The following PTBP1 variants were observed in gnomAD, a reference collection of about 807,000 sequenced individuals.
The protein encoded by PTBP1 is polypyrimidine tract-binding protein 1.
A neutral mutation model predicts 59.8 loss-of-function variants in PTBP1; 8 were observed. The ratio of observed to expected loss-of-function variants is 0.13; its 90% CI spans 0.08 to 0.24. The LOEUF (loss-of-function observed/expected upper bound fraction) is 0.24, where lower values mean the gene tolerates loss of function less well. Ranked by LOEUF, PTBP1 falls within the 10% of genes least tolerant of loss-of-function variation. The probability of loss-of-function intolerance (pLI) is 1.00; values close to 1 mark genes in which losing one functional copy is unlikely to be tolerated. For missense variants in PTBP1, 686 were observed against 767.0 expected, an observed-to-expected ratio of 0.89 and a Z score of 1.25; for synonymous variants, 490 against 320.7, an observed-to-expected ratio of 1.53 and a Z score of -5.64.
At chr19:797,569 G>T in intron 1 of PTBP1, 64 bp downstream of exon 1, 1 of 1,232,156 alleles carries the variant, frequency 8.1e-7, no homozygotes, top group Non-Finnish European at 1.0e-6. Flanking sequence ...CCCCGCCGCC[G>T]CGCCGGCCTC....
At chr19:803,949 C>T in intron 3 of PTBP1, 87 bp from the exon 4 acceptor site, 2 of 1,514,836 alleles carry the variant, frequency 1.3e-6, no homozygotes, top group South Asian at 1.2e-5. Context: ...GTCTCCGTAG[C>T]AGGCAGGGCT....
chr19:797,645 T>A, intron 1 of PTBP1, 140 bp downstream of exon 1: 1 of 450,132 alleles, frequency 2.2e-6, no homozygotes, highest in Non-Finnish European at 3.4e-6. Flanking sequence ...CCTCTCCGCG[T>A]GGCGGGCGCG....
chr19:805,612 C>T, intron 9 of PTBP1, 43 bp downstream of exon 9: 1 of 1,510,714 alleles, frequency 6.6e-7, no homozygotes, highest in South Asian at 1.1e-5. Flanking sequence ...ACTGCATGCC[C>T]ACACCACCTT....
At chr19:805,775 A>G in intron 9 of PTBP1, 1 of 584,912 alleles carries the variant, frequency 1.7e-6, no homozygotes, top group Non-Finnish European at 3.1e-6. Flanking sequence ...CCACGTGTGG[A>G]CGGCGCCAGC....
intron 2 of PTBP1, among the ~76,000 whole-genome samples, chr19:803,294 G>A (rs1021817282): frequency 5.9e-5 from 9 of 152,216 alleles, no homozygotes; most frequent in African/African-American, 1.9e-4. Context: ...CCGTAGCTGA[G>A]AGCCTCCCAG....
At chr19:805,405 C>A (rs527844261) in intron 8 of PTBP1, 87 bp from the exon 9 acceptor site, 3 of 1,387,078 alleles carry the variant, frequency 2.2e-6, no homozygotes, top group Non-Finnish European at 3.0e-6. Flanking sequence ...GGCCGCCCGC[C>A]GGCCGGGTTG....
At chr19:805,793 C>T (rs939417106) in intron 9 of PTBP1, 6 of 569,250 alleles carry the variant, frequency 1.1e-5, no homozygotes, top group South Asian at 3.9e-5. Flanking sequence ...AGCCAGAAGC[C>T]GCTAATCGCA....
intron 13 of PTBP1, among the ~76,000 whole-genome samples, chr19:809,139 G>GCTGGGACTGTAGGCACCCACAACCACAC (rs2034726989): frequency 1.3e-5 from 2 of 152,060 alleles, no homozygotes; most frequent in Non-Finnish European, 2.9e-5. Flanking sequence ...TTCCCGAGTA[G>GCTGGGACTGTAGGCACCCACAACCACAC]CTGGGACTGT....
chr19:804,311 C>T lies in PTBP1; in HGVS notation c.308C>T (p.Thr103Met), dbSNP rs1452968841. 8.7e-6 allele frequency: 14 copies of T among 1,613,760 alleles called. No individual in the cohort carries two copies. Among genetic ancestry groups the T allele is most frequent in the Admixed American group, 3.3e-5 (2 of 59,992 alleles). The change falls in exon 5 of 15, where the codon ACG (threonine) becomes ATG (methionine). Residue 103 changes from threonine (T) to methionine (M), a missense_variant. Coordinates refer to ENST00000356948, the MANE Select transcript of PTBP1 (RefSeq NM_002819.5). ...GKNQAFIEMN[T>M]EEAANTMVNY... ...CAACAGGCCTTCATCGAGATGAACA[C>T]GGAGGAGGCTGCCAACACCATGGTG...
chr19:803,052 G>T (rs558767822), intron 2 of PTBP1, among the ~76,000 whole-genome samples: 3 of 152,342 alleles, frequency 2.0e-5, no homozygotes, highest in South Asian at 4.1e-4. Flanking sequence ...AGGGGCTCCT[G>T]CGAGAGTGAG....
intron 9 of PTBP1, chr19:806,194 C>G (rs1211011935): frequency 2.0e-6 from 1 of 497,172 alleles, no homozygotes; most frequent in East Asian, 3.7e-5. Context: ...CCGGCCCGGC[C>G]CGTGCTGTGA....
rs1163355304 is a variant in PTBP1 at position 808,433 on chromosome 19, C to T, written c.1227C>T (p.Asp409=). Residue 409 remains aspartate (D), a synonymous_variant, in exon 12 of 15, where the codon GAC becomes GAT. Transcript: ENST00000356948. The surrounding 1 kb of genome is among the most constrained non-coding windows in gnomAD (Gnocchi z 4.7). ...AGAACGCCCTAGTGCAGATGGCGGA[C>T]GGCAACCAGGCCCAGCTGGGTAAGA... ...KKENALVQMA[D]GNQAQLAMSH... is the part of the protein sequence containing the mutation. 9.3e-6 allele frequency: 15 copies of T among 1,605,268 alleles called. No homozygotes were observed. The highest frequency in any genetic ancestry group is 1.1e-5 in the South Asian group (1 of 90,028).
chr19:800,778 T>C (rs2034297947), intron 2 of PTBP1, among the ~76,000 whole-genome samples: 1 of 152,186 alleles, frequency 6.6e-6, no homozygotes, highest in Non-Finnish European at 1.5e-5. Context: ...TTGCAGGCAG[T>C]CGTCTCTTCC....
intron 1 of PTBP1, among the ~76,000 whole-genome samples, chr19:797,715 C>T (rs1261581469): frequency 2.7e-5 from 4 of 148,916 alleles, no homozygotes; most frequent in Non-Finnish European, 6.0e-5. Context: ...CCCCGTCCGG[C>T]CCGCTTCCGG....
At chr19:806,196 G>A (rs1043415838) in intron 9 of PTBP1, 2 of 501,982 alleles carry the variant, frequency 4.0e-6, no homozygotes, top group Non-Finnish European at 6.9e-6. Flanking sequence ...GGCCCGGCCC[G>A]TGCTGTGAGG....
At chr19:803,737 G>C in intron 3 of PTBP1, 101 bp downstream of exon 3, 1 of 1,101,862 alleles carries the variant, frequency 9.1e-7, no homozygotes, top group Non-Finnish European at 1.4e-6. Context: ...TCCAACTGCA[G>C]GGGCCCATGG....
At chr19:803,716 T>C in intron 3 of PTBP1, 80 bp downstream of exon 3, 7 of 1,302,652 alleles carry the variant, frequency 5.4e-6, no homozygotes, top group Non-Finnish European at 7.7e-6. Context: ...TCTGGGACTC[T>C]ACTTTCCATC....
Position 808,529 on chromosome 19 carries a change from G to C in PTBP1, c.1247-17G>C. ...TTCCCTCTCGGGCGCCTGGTCACGC[G>C]GGTGCTGCTCCCCCAGCCATGAGCC... On this transcript the variant is annotated splice_polypyrimidine_tract_variant and intron_variant, in intron 12 of 14. Transcript: ENST00000356948. The surrounding 1 kb of genome is among the most constrained non-coding windows in gnomAD (Gnocchi z 4.7). 1.3e-6 allele frequency: 2 copies of C among 1,572,456 alleles called. No homozygotes were observed. Among genetic ancestry groups the C allele is most frequent in the Non-Finnish European group, 1.7e-6 (2 of 1,161,490 alleles).
intron 1 of PTBP1, among the ~76,000 whole-genome samples, chr19:798,100 CTGCCCCCCG>C (rs1168197134): frequency 2.6e-5 from 4 of 151,932 alleles, no homozygotes; most frequent in Admixed American, 6.5e-5. Flanking sequence ...CGCCCTACCC[CTGCCCCCCG>C]TGCGCCCCGG....
Sources: allele counts gnomAD v4.1 joint callset (sites outside exome capture counted in the v4.1 genomes callset), GRCh38; gene constraint gnomAD v4.1.1; non-coding constraint Gnocchi (gnomAD v3.1); transcripts MANE v1.5; gene names NCBI Gene and HGNC (gene_info 2026-07-23, HGNC 2026-07-21).